NOL4L: variants seen among roughly 807,000 people sequenced by gnomAD.
NOL4L encodes the protein nucleolar protein 4-like.
A neutral mutation model predicts 64.5 loss-of-function variants in NOL4L; 7 were observed. The ratio of observed to expected loss-of-function variants is 0.11; its 90% CI spans 0.06 to 0.20. NOL4L has a LOEUF of 0.20. Among genes scored for constraint, NOL4L ranks in the 10% least tolerant of loss-of-function variants. The probability of loss-of-function intolerance (pLI) is 1.00; values close to 1 mark genes in which losing one functional copy is unlikely to be tolerated. For missense variants in NOL4L, 680 were observed against 967.1 expected, an observed-to-expected ratio of 0.70 and a Z score of 3.94; for synonymous variants, 413 against 401.0, an observed-to-expected ratio of 1.03 and a Z score of -0.36.
intron 3 of NOL4L, among the ~76,000 whole-genome samples, chr20:32,515,670 T>C (rs2017623215): frequency 6.6e-6 from 1 of 152,046 alleles, no homozygotes; most frequent in East Asian, 1.9e-4. Context: ...GTGGGTTCCT[T>C]GGACTCTGAG....
At chr20:32,479,536 C>G (rs990124335) in intron 4 of NOL4L, among the ~76,000 whole-genome samples, 1 of 152,166 alleles carries the variant, frequency 6.6e-6, no homozygotes, top group Non-Finnish European at 1.5e-5. Context: ...GTTCAAGACC[C>G]ACCTGGGCAA....
intron 1 of NOL4L, among the ~76,000 whole-genome samples, chr20:32,549,127 TA>T (rs2018767340): frequency 6.6e-6 from 1 of 152,042 alleles, no homozygotes; most frequent in Non-Finnish European, 1.5e-5. Flanking sequence ...TAATTAAAAT[TA>T]AAAACATTAA....
intron 4 of NOL4L, among the ~76,000 whole-genome samples, chr20:32,508,808 A>C (rs1355307866): frequency 6.6e-6 from 1 of 152,274 alleles, no homozygotes; most frequent in East Asian, 1.9e-4. Flanking sequence ...CCTGCATCTC[A>C]GGTCATGAAC....
intron 1 of NOL4L, chr20:32,561,059 G>A (rs1767519750): frequency 6.6e-6 from 1 of 152,330 alleles, no homozygotes; most frequent in Admixed American, 6.5e-5. Context: ...GGGAGCCCAG[G>A]GTATAGCAGT....
chr20:32,521,991 CG>C lies in NOL4L; in HGVS notation c.478-1070del, dbSNP rs2017958871. Reference sequence around the variant, plus strand: ...GGCTGCTCTGCGCTGCGCTTGGCCCCGCCTTCCCACAGCAACTGCAGGGGTT... The same window carrying C: ...GGCTGCTCTGCGCTGCGCTTGGCCCCCCTTCCCACAGCAACTGCAGGGGTT... On this transcript the variant is annotated intron_variant, in intron 2 of 10. Coordinates refer to ENST00000621426, the MANE Select transcript of NOL4L (RefSeq NM_001256798.2). 2.6e-5 allele frequency among the ~76,000 whole-genome samples: 4 copies of C among 152,242 alleles called. No individual in the cohort carries two copies. The South Asian group carries it at 8.3e-4, about 32-fold the overall frequency.
rs564168973 is a variant in NOL4L, at chr20:32,462,903, T to TAAAAAAAAAAA, written c.842-6519_842-6509dup. On this transcript the variant is annotated intron_variant, in intron 5 of 10. Coordinates refer to ENST00000621426, the MANE Select transcript of NOL4L (RefSeq NM_001256798.2). ...CTGGCGACAAAGCGAGACTCTGTCT[T>TAAAAAAAAAAA]AAAAAAAAAAAAAAAAAAAACTGAT... Among the ~76,000 whole-genome samples the TAAAAAAAAAAA allele has an allele frequency of 2.3e-4, 18 of 76,654 alleles. 1 individual carries two copies. The highest frequency in any genetic ancestry group is 3.8e-4 in the African/African-American group (8 of 20,874). 50.3% of individuals were successfully genotyped at this position (76,654 alleles called of 152,430 possible). A position where few individuals can be genotyped will look rare whatever the true frequency, so the allele number is the denominator to read the frequency against.
intron 4 of NOL4L, among the ~76,000 whole-genome samples, chr20:32,493,138 C>A (rs2016533249): frequency 6.6e-6 from 1 of 152,180 alleles, no homozygotes; most frequent in African/African-American, 2.4e-5. Flanking sequence ...GCCTTGGAAG[C>A]CTGAAGGGAT....
chr20:32,556,981 G>A (rs1978695833), intron 1 of NOL4L, among the ~76,000 whole-genome samples: 1 of 152,228 alleles, frequency 6.6e-6, no homozygotes, highest in Non-Finnish European at 1.5e-5. Flanking sequence ...TAGGAATCAG[G>A]TAGACCCGAT....
intron 1 of NOL4L, among the ~76,000 whole-genome samples, chr20:32,569,280 AG>A (rs550247688): frequency 2.0e-5 from 3 of 152,354 alleles, no homozygotes; most frequent in African/African-American, 7.2e-5. Context: ...GCAGGGGCCA[AG>A]GAACTGGAAA....
intron 4 of NOL4L, among the ~76,000 whole-genome samples, chr20:32,479,651 C>T (rs2015602551): frequency 6.6e-6 from 1 of 152,202 alleles, no homozygotes; most frequent in Non-Finnish European, 1.5e-5. Context: ...CAGCTACCCC[C>T]TGGTTTCTCT....
intron 5 of NOL4L, among the ~76,000 whole-genome samples, chr20:32,468,496 G>A (rs1188294705): frequency 3.3e-5 from 5 of 152,150 alleles, no homozygotes; most frequent in African/African-American, 1.2e-4. Context: ...GTGGCCGTTG[G>A]TTGAGCACCT....
At chr20:32,485,088 C>CAAAAAAAAAAAAAAAAAAAAAAAAAAAA (rs1355588607) in intron 4 of NOL4L, among the ~76,000 whole-genome samples, 1 of 53,432 alleles carries the variant, frequency 1.9e-5, no homozygotes, top group Non-Finnish European at 3.6e-5. Context: ...AAAAAAAAAA[C>CAAAAAAAAAAAAAAAAAAAAAAAAAAAA]AACTAAAAAA....
At chr20:32,504,752 T>C (rs530233441) in intron 4 of NOL4L, among the ~76,000 whole-genome samples, 18 of 152,108 alleles carry the variant, frequency 1.2e-4, no homozygotes, top group African/African-American at 4.1e-4. Context: ...TACAAGCACG[T>C]GCCACCATGC....
At chr20:32,554,155 C>A (rs1470149790) in intron 1 of NOL4L, among the ~76,000 whole-genome samples, 1 of 151,888 alleles carries the variant, frequency 6.6e-6, no homozygotes, top group African/African-American at 2.4e-5. Flanking sequence ...CCCGTCTCTA[C>A]TAAAAAATAC....
intron 3 of NOL4L, 67 bp downstream of exon 3, chr20:32,520,744 C>T (rs575136728): frequency 1.8e-5 from 17 of 956,544 alleles, no homozygotes; most frequent in African/African-American, 3.3e-5. Flanking sequence ...CAAAAGCTGG[C>T]GTCTTCAGGG....
intron 4 of NOL4L, among the ~76,000 whole-genome samples, chr20:32,488,805 T>TTCTTTCTC (rs56182517): frequency 6.6e-5 from 2 of 30,186 alleles, no homozygotes; most frequent in Non-Finnish European, 1.2e-4. Flanking sequence ...CTTTCTTTCT[T>TTCTTTCTC]TTTCTTTCTT....
intron 5 of NOL4L, among the ~76,000 whole-genome samples, chr20:32,466,062 G>C (rs1459131161): frequency 6.6e-6 from 1 of 151,660 alleles, no homozygotes; most frequent in Non-Finnish European, 1.5e-5. Flanking sequence ...CCACCTCCTG[G>C]GTTCAAGCGA....
At chr20:32,542,561 C>T (rs1302537022) in intron 1 of NOL4L, among the ~76,000 whole-genome samples, 1 of 152,082 alleles carries the variant, frequency 6.6e-6, no homozygotes, top group Non-Finnish European at 1.5e-5. Context: ...ATTGTGTTGC[C>T]CACGCTGGTC....
chr20:32,480,833 TGGGGTCCCAA>T (rs1181640962), intron 4 of NOL4L, among the ~76,000 whole-genome samples: 1 of 152,040 alleles, frequency 6.6e-6, no homozygotes, highest in Non-Finnish European at 1.5e-5. Flanking sequence ...CTGGGGGGTG[TGGGGTCCCAA>T]GGCTGTTGCT....
Sources: gnomAD v4.1 joint callset for allele counts (sites outside exome capture counted in the v4.1 genomes callset) on GRCh38, gnomAD v4.1.1 for gene constraint, MANE v1.5 for transcripts, NCBI Gene and HGNC (gene_info 2026-07-23, HGNC 2026-07-21) for gene names.